HACE1: variants seen among roughly 807,000 people sequenced by gnomAD.
The protein encoded by HACE1 is HECT domain and ankyrin repeat containing E3 ubiquitin protein ligase 1.
In HACE1, 73 loss-of-function variants were observed where a neutral mutation model predicts 118.4. The ratio of observed to expected loss-of-function variants is 0.62; its 90% confidence interval spans 0.51 to 0.75. The LOEUF (loss-of-function observed/expected upper bound fraction) is 0.75, where lower values mean the gene tolerates loss of function less well. Among genes scored for constraint, HACE1 ranks in the 30% least tolerant of loss-of-function variants. HACE1 has a pLI of 0.00. For missense variants in HACE1, 749 were observed against 1,102.2 expected, an observed-to-expected ratio of 0.68 and a Z score of 4.54; for synonymous variants, 368 against 374.8, an observed-to-expected ratio of 0.98 and a Z score of 0.21.
At chr6:104,830,477 A>G (rs1281775442) in intron 6 of HACE1, among the ~76,000 whole-genome samples, 1 of 152,202 alleles carries the variant, frequency 6.6e-6, no homozygotes, top group East Asian at 1.9e-4. Flanking sequence ...TTCCAACACC[A>G]TATTAAACAT....
intron 20 of HACE1, among the ~76,000 whole-genome samples, chr6:104,746,514 G>C (rs1279847712): frequency 6.6e-6 from 1 of 152,170 alleles, no homozygotes; most frequent in Non-Finnish European, 1.5e-5. Flanking sequence ...CACTGCTTCA[G>C]CATCTCTTTG....
chr6:104,745,141 T>C (rs1291305246), intron 20 of HACE1, among the ~76,000 whole-genome samples: 1 of 152,202 alleles, frequency 6.6e-6, no homozygotes, highest in African/African-American at 2.4e-5. Flanking sequence ...AGGAATTCAA[T>C]TCTGGAATAA....
intron 11 of HACE1, chr6:104,786,260 G>T (rs1237221071): frequency 6.7e-6 from 1 of 149,788 alleles, no homozygotes; most frequent in African/African-American, 2.5e-5. Flanking sequence ...ACGATCACTT[G>T]AACCCAGGAG....
intron 19 of HACE1, among the ~76,000 whole-genome samples, chr6:104,758,812 G>T (rs545462463): frequency 6.6e-6 from 1 of 151,854 alleles, no homozygotes; most frequent in East Asian, 1.9e-4. Context: ...CATCTCACGT[G>T]CAAAGACACA....
chr6:104,772,140 T>A (rs545099008), intron 17 of HACE1, 66 bp from the exon 18 acceptor site: 1 of 903,584 alleles, frequency 1.1e-6, no homozygotes, highest in South Asian at 1.5e-5. Flanking sequence ...ATTACTTCGA[T>A]GCAGATAAAC....
chr6:104,765,570 T>A (rs967563056), intron 19 of HACE1, among the ~76,000 whole-genome samples: 3 of 152,242 alleles, frequency 2.0e-5, no homozygotes, highest in African/African-American at 7.2e-5. Flanking sequence ...TCACCACTGT[T>A]TTGTGATCAG....
chr6:104,811,401 G>T lies in HACE1; in HGVS notation c.535-8C>A. ...TAGCAAGCACTGCACTGTCTGAGGG[G>T]GAAAAAATAATTAAAAGTAAAGCCA... On this transcript the variant is annotated splice_polypyrimidine_tract_variant and splice_region_variant and intron_variant, in intron 6 of 23. Transcript: ENST00000262903. 2 of 1,366,912 alleles carry T rather than the reference G, an allele frequency of 1.5e-6. No individual in the cohort carries two copies. Among genetic ancestry groups the T allele is most frequent in the Non-Finnish European group, 2.1e-6 (2 of 956,448 alleles). The allele number at this position is 1,366,912 out of a possible 1,614,324, so 84.7% of individuals were successfully genotyped here.
chr6:104,802,888 A>T (rs1411687566), intron 7 of HACE1, among the ~76,000 whole-genome samples: 1 of 152,232 alleles, frequency 6.6e-6, no homozygotes, highest in Non-Finnish European at 1.5e-5. Context: ...GGAAATAGAG[A>T]CACAAAAAAC....
At chr6:104,819,693 T>C (rs942321498) in intron 6 of HACE1, among the ~76,000 whole-genome samples, 4 of 151,988 alleles carry the variant, frequency 2.6e-5, no homozygotes, top group African/African-American at 7.3e-5. Context: ...AACAGACACA[T>C]AGACCAATGA....
At chr6:104,793,110 AC>A (rs1480923999) in intron 10 of HACE1, among the ~76,000 whole-genome samples, 2 of 151,362 alleles carry the variant, frequency 1.3e-5, no homozygotes, top group Non-Finnish European at 2.9e-5. Flanking sequence ...TACTAAAAAT[AC>A]AAAAAATTAG....
chr6:104,804,971 C>G (rs936794065), intron 7 of HACE1, among the ~76,000 whole-genome samples: 1 of 152,034 alleles, frequency 6.6e-6, no homozygotes, highest in Non-Finnish European at 1.5e-5. Context: ...TGACAAAGGG[C>G]TAATATCCAG....
chr6:104,850,896 T>C lies in HACE1; in HGVS notation c.221+11A>G. 6.6e-7 allele frequency: 1 copy of C among 1,508,640 alleles called. No homozygotes were observed. Among genetic ancestry groups the C allele is most frequent in the Non-Finnish European group, 9.2e-7 (1 of 1,083,790 alleles). 93.5% of individuals were successfully genotyped at this position (1,508,640 alleles called of 1,614,324 possible). A position where few individuals can be genotyped will look rare whatever the true frequency, so the allele number is the denominator to read the frequency against. On this transcript the variant is annotated intron_variant, in intron 3 of 23. Coordinates refer to ENST00000262903, the MANE Select transcript of HACE1 (RefSeq NM_020771.4). Reference sequence around the variant, plus strand: ...AGATCAGAGTTTAACTCAAAATATCTTTAGTCTTACTTTGCTGCAATGTGA... The same window carrying C: ...AGATCAGAGTTTAACTCAAAATATCCTTAGTCTTACTTTGCTGCAATGTGA...
At chr6:104,770,821 G>C (rs188354109) in intron 19 of HACE1, among the ~76,000 whole-genome samples, 90 of 152,260 alleles carry the variant, frequency 5.9e-4, no homozygotes, top group Non-Finnish European at 1.0e-4. Context: ...TTAAACACTG[G>C]CATTTCTTTT....
In HACE1 at chr6:104,833,101, C is replaced by T. The variant is rs1419154325; in HGVS notation, c.475G>A (p.Val159Ile). 19 of 1,613,214 alleles carry T rather than the reference C, an allele frequency of 1.2e-5. No homozygotes were observed. Among genetic ancestry groups the T allele is most frequent in the Admixed American group, 3.3e-5 (2 of 60,010 alleles). The change falls in exon 6 of 24, where the codon GTT becomes ATT. Residue 159 changes from valine (V) to isoleucine (I), a missense_variant. Physicochemically the swap from Val to Ile is conservative, Grantham distance 29 (BLOSUM62 3). This residue lies in a region of HACE1 where 120 missense variants were observed against 219.1 expected (regional missense o/e 0.55). Transcript: ENST00000262903. ...DLVQHVSDVD[V>I]EDAMGQTALH... ...GCTGTCTGCCCCATGGCATCCTCAA[C>T]ATCAACATCACTGACATGCTGCACA...
chr6:104,859,305 G>A (rs1777064428), intron 1 of HACE1: 3 of 453,766 alleles, frequency 6.6e-6, no homozygotes, highest in South Asian at 2.9e-5. Context: ...ATCGACAGAC[G>A]TTGCGAGACC....
rs762322391 is a variant in HACE1, at chr6:104,811,402, GA to G, written c.535-10del. On this transcript the variant is annotated splice_polypyrimidine_tract_variant and intron_variant, in intron 6 of 23. Transcript: ENST00000262903. Reference sequence around the variant, plus strand: ...AGCAAGCACTGCACTGTCTGAGGGGGAAAAAATAATTAAAAGTAAAGCCAGA... The same window carrying G: ...AGCAAGCACTGCACTGTCTGAGGGGGAAAAATAATTAAAAGTAAAGCCAGA... 32 of 1,351,694 alleles carry G rather than the reference GA, an allele frequency of 2.4e-5. No homozygotes were observed. Among genetic ancestry groups the G allele is most frequent in the Non-Finnish European group, 3.0e-5 (28 of 942,468 alleles). 83.7% of individuals were successfully genotyped at this position (1,351,694 alleles called of 1,614,324 possible). A position where few individuals can be genotyped will look rare whatever the true frequency, so the allele number is the denominator to read the frequency against.
chr6:104,795,981 C>T lies in HACE1; in HGVS notation c.817-296G>A, dbSNP rs557091482. Among the ~76,000 whole-genome samples the T allele has an allele frequency of 1.4e-4, 21 of 152,120 alleles. No homozygotes were observed. The South Asian group carries it at 1.9e-3, about 14-fold the overall frequency. On this transcript the variant is annotated intron_variant, in intron 9 of 23. Coordinates refer to ENST00000262903, the MANE Select transcript of HACE1 (RefSeq NM_020771.4). ...TAAAACGAAAGAGAAATTTAAATTC[C>T]GCAATTTTTCTAAGACTAAAACTAT...
chr6:104,841,710 C>A (rs572705657), intron 5 of HACE1, among the ~76,000 whole-genome samples: 10 of 151,988 alleles, frequency 6.6e-5, no homozygotes, highest in Non-Finnish European at 1.5e-4. Context: ...CAATATTATT[C>A]TTTATTCAAA....
intron 7 of HACE1, among the ~76,000 whole-genome samples, chr6:104,805,897 T>C (rs1770942028): frequency 6.6e-6 from 1 of 152,008 alleles, no homozygotes; most frequent in African/African-American, 2.4e-5. Context: ...TCAAAAAAAT[T>C]ATGGTATCAT....
Sources: allele counts gnomAD v4.1 joint callset (sites outside exome capture counted in the v4.1 genomes callset), GRCh38; gene constraint gnomAD v4.1.1; regional missense constraint gnomAD v4.1.1; transcripts MANE v1.5; gene names NCBI Gene and HGNC (gene_info 2026-07-23, HGNC 2026-07-21).